The following CADPS variants were observed in gnomAD, a reference collection of about 807,000 sequenced individuals.
CADPS encodes the protein calcium dependent secretion activator.
Under a neutral mutation model 167.3 loss-of-function variants are expected in CADPS, and 57 were observed. The observed-to-expected ratio is 0.34, with a 90% CI of 0.28 to 0.42. CADPS has a LOEUF of 0.42. Ranked by LOEUF, CADPS falls within the 20% of genes least tolerant of loss-of-function variation. The pLI is 1.00. For synonymous variants in CADPS, 676 were observed against 635.3 expected (o/e 1.06, Z -0.96); for missense variants, 1,414 against 1,738.1 (o/e 0.81, Z 3.32).
At chr3:62,810,917 C>G (rs1335238845) in intron 1 of CADPS, among the ~76,000 whole-genome samples, 1 of 152,242 alleles carries the variant, frequency 6.6e-6, no homozygotes, top group Non-Finnish European at 1.5e-5. Context: ...GCTGAGCTTT[C>G]TTTTCCCCTT....
intron 28 of CADPS, among the ~76,000 whole-genome samples, 155 bp downstream of exon 28, chr3:62,437,949 A>G (rs1320217984): frequency 6.6e-6 from 1 of 152,204 alleles, no homozygotes; most frequent in East Asian, 1.9e-4. Context: ...GACACAAGAC[A>G]GATAAGAGCC....
intron 3 of CADPS, among the ~76,000 whole-genome samples, chr3:62,749,447 A>C (rs1363821161): frequency 6.6e-6 from 1 of 152,234 alleles, no homozygotes; most frequent in Non-Finnish European, 1.5e-5. Flanking sequence ...TAAGAGGAAA[A>C]CATTAAGCAC....
chr3:62,554,576 C>T (rs963700658), intron 10 of CADPS, among the ~76,000 whole-genome samples: 6 of 152,096 alleles, frequency 3.9e-5, no homozygotes, highest in African/African-American at 1.4e-4. Flanking sequence ...GTTGAGGAGA[C>T]TCCTCAAATC....
In CADPS at chr3:62,723,310, C is replaced by G. The variant is rs117410711; in HGVS notation, c.888+30131G>C. ...GAACGCCAGTAGATACTGCTGAACCCGAGTGTGACCAGGCTCTAAATCATC... is the reference window on the plus strand; with the variant it reads ...GAACGCCAGTAGATACTGCTGAACCGGAGTGTGACCAGGCTCTAAATCATC... On this transcript the variant is annotated intron_variant, in intron 3 of 29. Transcript: ENST00000383710. Among the ~76,000 whole-genome samples, 96 of 152,258 alleles carry G rather than the reference C, an allele frequency of 6.3e-4. No individual in the cohort carries two copies. The East Asian group carries it at 0.017, about 27-fold the overall frequency.
intron 21 of CADPS, among the ~76,000 whole-genome samples, chr3:62,487,544 CAA>C (rs1307102104): frequency 6.6e-6 from 1 of 152,164 alleles, no homozygotes; most frequent in African/African-American, 2.4e-5. Flanking sequence ...TGGTTAGAAG[CAA>C]AGAGATGACA....
At chr3:62,416,873 T>TA (rs1238858221) in intron 28 of CADPS, among the ~76,000 whole-genome samples, 1 of 151,976 alleles carries the variant, frequency 6.6e-6, no homozygotes, top group Non-Finnish European at 1.5e-5. Context: ...AATATACTTT[T>TA]TTTTTTTTTC....
At chr3:62,628,541 A>G (rs754883441) in intron 6 of CADPS, among the ~76,000 whole-genome samples, 1 of 151,576 alleles carries the variant, frequency 6.6e-6, no homozygotes, top group African/African-American at 2.4e-5. Context: ...CCTAGATGCT[A>G]TCCTTGATTC....
chr3:62,560,807 G>T (rs185527509), intron 9 of CADPS, among the ~76,000 whole-genome samples: 8 of 152,094 alleles, frequency 5.3e-5, no homozygotes, highest in Non-Finnish European at 4.4e-5. Flanking sequence ...TGGGCTGGGC[G>T]CAGTGGCTTA....
chr3:62,652,012 G>C (rs1035326540), intron 4 of CADPS, among the ~76,000 whole-genome samples: 38 of 152,138 alleles, frequency 2.5e-4, no homozygotes, highest in African/African-American at 8.7e-4. Context: ...GGGCTCAGGT[G>C]ATATCACCAC....
At chr3:62,706,800 C>T (rs2082387832) in intron 3 of CADPS, among the ~76,000 whole-genome samples, 2 of 152,022 alleles carry the variant, frequency 1.3e-5, no homozygotes, top group Non-Finnish European at 2.9e-5. Context: ...AACTTGTTTA[C>T]CTCTGAAAAG....
intron 9 of CADPS, among the ~76,000 whole-genome samples, chr3:62,566,385 TG>T (rs757695132): frequency 5.8e-4 from 87 of 150,342 alleles, no homozygotes; most frequent in Non-Finnish European, 1.1e-3. Context: ...ATGCAGCTGT[TG>T]GGGGCCAATT....
chr3:62,851,723 C>G (rs1442986985), intron 1 of CADPS, among the ~76,000 whole-genome samples: 1 of 148,214 alleles, frequency 6.7e-6, no homozygotes, highest in Non-Finnish European at 1.5e-5. Flanking sequence ...TCCTTCATTT[C>G]AACTTTGGTG....
chr3:62,531,736 T>C (rs1256369487), intron 13 of CADPS, among the ~76,000 whole-genome samples: 1 of 152,168 alleles, frequency 6.6e-6, no homozygotes, highest in African/African-American at 2.4e-5. Flanking sequence ...TGGGGAGCTT[T>C]GGGATAATAT....
intron 1 of CADPS, among the ~76,000 whole-genome samples, chr3:62,829,388 TATGCCATTTTATATAAG>T (rs1195249284): frequency 6.6e-6 from 1 of 152,172 alleles, no homozygotes; most frequent in African/African-American, 2.4e-5. Context: ...ATGCAAATAC[TATGCCATTTTATATAAG>T]AGACTTGAGC....
intron 3 of CADPS, among the ~76,000 whole-genome samples, chr3:62,748,512 T>C (rs2082036182): frequency 6.6e-6 from 1 of 152,004 alleles, no homozygotes; most frequent in Non-Finnish European, 1.5e-5. Context: ...AGACAGCTGG[T>C]ACAACTGAGA....
intron 1 of CADPS, among the ~76,000 whole-genome samples, chr3:62,807,728 T>C (rs1369985603): frequency 6.6e-6 from 1 of 152,220 alleles, no homozygotes; most frequent in Non-Finnish European, 1.5e-5. Flanking sequence ...TTCAAATATA[T>C]ATTGCCACAG....
chr3:62,599,684 TATA>T (rs1446030024), intron 6 of CADPS, among the ~76,000 whole-genome samples: 20 of 46,446 alleles, frequency 4.3e-4, no homozygotes, highest in African/African-American at 1.4e-3. Flanking sequence ...TACAATATTA[TATA>T]ATATTATAAT....
At chr3:62,747,461 G>A (rs1212185204) in intron 3 of CADPS, among the ~76,000 whole-genome samples, 1 of 152,158 alleles carries the variant, frequency 6.6e-6, no homozygotes, top group African/African-American at 2.4e-5. Flanking sequence ...CTGAAGGCCT[G>A]ATAATTTGAG....
chr3:62,524,249 T>C (rs1211092243), intron 13 of CADPS, among the ~76,000 whole-genome samples: 1 of 152,184 alleles, frequency 6.6e-6, no homozygotes, highest in East Asian at 1.9e-4. Flanking sequence ...AAAGGAGATA[T>C]CCCTGCTTGC....
Sources: allele counts gnomAD v4.1 joint callset (sites outside exome capture counted in the v4.1 genomes callset), GRCh38; gene constraint gnomAD v4.1.1; transcripts MANE v1.5; gene names NCBI Gene and HGNC (gene_info 2026-07-23, HGNC 2026-07-21).